The following DEDD2 variants were observed in gnomAD, a reference collection of about 807,000 sequenced individuals.
DEDD2 encodes death effector domain containing 2.
Under a neutral mutation model 28.9 loss-of-function variants are expected in DEDD2, and 18 were observed. That is an observed-to-expected ratio of 0.62 (90% CI 0.43 to 0.92). The LOEUF is 0.92. Ranked by LOEUF, DEDD2 falls within the 40% of genes least tolerant of loss-of-function variation. The pLI, the probability that DEDD2 is intolerant of heterozygous loss-of-function variation, is 0.00. For missense variants in DEDD2, 411 were observed against 463.3 expected, an observed-to-expected ratio of 0.89 and a Z score of 1.04; for synonymous variants, 211 against 206.1, an observed-to-expected ratio of 1.02 and a Z score of -0.20.
intron 3 of DEDD2, among the ~76,000 whole-genome samples, chr19:42,210,536 G>A (rs2035715774): frequency 6.6e-6 from 1 of 151,966 alleles, no homozygotes; most frequent in Non-Finnish European, 1.5e-5. Context: ...CGGGATTACA[G>A]GTGTCTGCCA....
In DEDD2 at chr19:42,209,835, G is replaced by C; in HGVS notation, c.454C>G (p.Pro152Ala). 1 of 1,524,142 alleles carries C rather than the reference G, an allele frequency of 6.6e-7. No homozygotes were observed. The highest frequency in any genetic ancestry group is 8.8e-7 in the Non-Finnish European group (1 of 1,137,454). The allele number at this position is 1,524,142 out of a possible 1,614,324, so 94.4% of individuals were successfully genotyped here. A position where few individuals can be genotyped will look rare whatever the true frequency, so the allele number is the denominator to read the frequency against. Residue 152 changes from proline (P) to alanine (A), a missense_variant, in exon 4 of 5, where the codon CCC (proline) becomes GCC (alanine). Transcript: ENST00000596251. Reference protein sequence around the residue: ...SQQGQWETGSPPTKRQRRSRG... With the variant: ...SQQGQWETGSAPTKRQRRSRG... ...CTCCGCCGCTGCCGCTTGGTTGGGG[G>C]GGAGCCTGAGGGGAAAAAAATGGGG...
intron 4 of DEDD2, among the ~76,000 whole-genome samples, chr19:42,203,509 G>C (rs1347099338): frequency 6.6e-6 from 1 of 152,194 alleles, no homozygotes; most frequent in Non-Finnish European, 1.5e-5. Flanking sequence ...GGCGCTAAGG[G>C]AGAACGGGCA....
rs1172779497 is a variant in DEDD2 at position 42,199,225 on chromosome 19, TAGG to T, written c.*210_*212del. ...GAGGCTAAGGGGGCACACCTGGGGG[TAGG>T]AGGAGTCTGGGAAGGAAACTCAGCT... On this transcript the variant is annotated 3_prime_UTR_variant, in exon 5 of 5. Coordinates refer to ENST00000596251, the MANE Select transcript of DEDD2 (RefSeq NM_133328.4). The surrounding 1 kb of genome is among the most constrained non-coding windows in gnomAD (Gnocchi z 7.4). The T allele has an allele frequency of 4.2e-6, 3 of 709,498 alleles. No individual in the cohort carries two copies. The highest frequency in any genetic ancestry group is 6.7e-6 in the Non-Finnish European group (3 of 450,860). 44.0% of individuals were successfully genotyped at this position (709,498 alleles called of 1,614,324 possible). A position where few individuals can be genotyped will look rare whatever the true frequency, so the allele number is the denominator to read the frequency against.
chr19:42,200,959 C>G lies in DEDD2; in HGVS notation c.590-1130G>C, dbSNP rs552726422. ...ATCACTTAGGCTAGTGACAGTACCC[C>G]CTCTCTCTACACACCCAACGAGGCT... On this transcript the variant is annotated intron_variant, in intron 4 of 4. Transcript: ENST00000596251. 2.6e-5 allele frequency among the ~76,000 whole-genome samples: 4 copies of G among 152,144 alleles called. No homozygotes were observed. The East Asian group carries it at 7.7e-4, about 29-fold the overall frequency.
upstream of DEDD2, among the ~76,000 whole-genome samples, chr19:42,219,043 G>A (rs373124236): frequency 7.9e-5 from 12 of 152,252 alleles, no homozygotes; most frequent in African/African-American, 2.9e-4. Context: ...GGTGGCTCAC[G>A]CCTGCATTCC....
chr19:42,199,457 C>G lies in DEDD2; in HGVS notation c.962G>C (p.Arg321Pro). The G allele has an allele frequency of 6.2e-7, 1 of 1,603,214 alleles. No individual in the cohort carries two copies. The highest frequency in any genetic ancestry group is 1.7e-5 in the Admixed American group (1 of 58,922). ...LLLMEEEGGR[R>P]PTEAS is the part of the protein sequence containing the mutation. ...CCTGGATCAGGAGGCCTCTGTCGGG[C>G]GCCGCCCCCCTTCCTCCTCCATCAG... The change falls in exon 5 of 5, where the codon CGC becomes CCC. Residue 321 changes from arginine to proline, a missense_variant. This residue lies in a region of DEDD2 where 129 missense variants were observed against 189.9 expected (regional missense o/e 0.68). Transcript: ENST00000596251. This position sits in a 1 kb window ranked among gnomAD's most constrained non-coding sequence, Gnocchi z 7.4.
intron 4 of DEDD2, among the ~76,000 whole-genome samples, chr19:42,204,252 A>T (rs1405598423): frequency 6.6e-6 from 1 of 152,110 alleles, no homozygotes; most frequent in Non-Finnish European, 1.5e-5. Context: ...AAGAGTTCCT[A>T]GTTGGGTGGT....
At position 42,199,294 on chromosome 19, in the gene DEDD2, G is replaced by C. The variant is rs2035226202; in HGVS notation, c.*144C>G. On this transcript the variant is annotated 3_prime_UTR_variant, in exon 5 of 5. Coordinates refer to ENST00000596251, the MANE Select transcript of DEDD2 (RefSeq NM_133328.4). The surrounding 1 kb of genome is among the most constrained non-coding windows in gnomAD (Gnocchi z 7.4). Reference sequence around the variant, plus strand: ...CTCAGAGCCCACATCCTGTGGGAGGGGCTGTCAAGGGGCCTGCTGTCCCGG... The same window carrying C: ...CTCAGAGCCCACATCCTGTGGGAGGCGCTGTCAAGGGGCCTGCTGTCCCGG... The C allele has an allele frequency of 8.2e-7, 1 of 1,216,274 alleles. No homozygotes were observed. The highest frequency in any genetic ancestry group is 1.1e-6 in the Non-Finnish European group (1 of 901,894). The allele number at this position is 1,216,274 out of a possible 1,614,324, so 75.3% of individuals were successfully genotyped here.
In DEDD2 at chr19:42,206,165, A is replaced by T. The variant is rs139730424; in HGVS notation, c.589+3535T>A. On this transcript the variant is annotated intron_variant, in intron 4 of 4. Transcript: ENST00000596251. ...ATCCTCCAACTGCTTTCCATAATAAAAAAAAAAAAAATGCAAAGCCCAGGC... is the reference window on the plus strand; with the variant it reads ...ATCCTCCAACTGCTTTCCATAATAATAAAAAAAAAAATGCAAAGCCCAGGC... 2.0e-4 allele frequency among the ~76,000 whole-genome samples: 30 copies of T among 151,096 alleles called. No homozygotes were observed. The East Asian group carries it at 3.3e-3, about 17-fold the overall frequency.
At chr19:42,208,907 G>A (rs564408960) in intron 4 of DEDD2, among the ~76,000 whole-genome samples, 1 of 152,362 alleles carries the variant, frequency 6.6e-6, no homozygotes, top group African/African-American at 2.4e-5. Context: ...AATCCAAACA[G>A]GGAGGTGATT....
chr19:42,210,978 G>A (rs146401378), intron 3 of DEDD2, among the ~76,000 whole-genome samples: 51 of 150,726 alleles, frequency 3.4e-4, no homozygotes, highest in African/African-American at 1.2e-3. Context: ...GCTGAGGCAG[G>A]AGAATTGCTT....
chr19:42,199,149 T>C lies in DEDD2; in HGVS notation c.*289A>G. On this transcript the variant is annotated 3_prime_UTR_variant, in exon 5 of 5. Coordinates refer to ENST00000596251, the MANE Select transcript of DEDD2 (RefSeq NM_133328.4). This position sits in a 1 kb window ranked among gnomAD's most constrained non-coding sequence, Gnocchi z 7.4. ...AATGTGCAGGGGGGCCTTTGGTGAG[T>C]GTGTAGCTGTGCCCCTCCCTTCTGA... 1 of 473,410 alleles carries C rather than the reference T, an allele frequency of 2.1e-6. No individual in the cohort carries two copies. The highest frequency in any genetic ancestry group is 3.8e-6 in the Non-Finnish European group (1 of 263,556). The allele number at this position is 473,410 out of a possible 1,614,324, so 29.3% of individuals were successfully genotyped here. A position where few individuals can be genotyped will look rare whatever the true frequency, so the allele number is the denominator to read the frequency against.
At chr19:42,214,624 A>G (rs575228631) in intron 3 of DEDD2, among the ~76,000 whole-genome samples, 38 of 152,218 alleles carry the variant, frequency 2.5e-4, no homozygotes, top group African/African-American at 8.4e-4. Context: ...TTAGCCAGGC[A>G]TGGTGGCATA....
At chr19:42,201,069 A>T (rs1299408610) in intron 4 of DEDD2, among the ~76,000 whole-genome samples, 1 of 152,236 alleles carries the variant, frequency 6.6e-6, no homozygotes, top group Non-Finnish European at 1.5e-5. Context: ...AAGTGCTTGA[A>T]TCACAGAAAC....
chr19:42,215,807 C>T (rs2035944131), intron 2 of DEDD2, among the ~76,000 whole-genome samples: 1 of 152,164 alleles, frequency 6.6e-6, no homozygotes, highest in African/African-American at 2.4e-5. Context: ...GCAGCCTGAA[C>T]CCCTCCCAGC....
At position 42,199,372 on chromosome 19, in the gene DEDD2, T is replaced by C. The variant is rs2035229107; in HGVS notation, c.*66A>G. 10 of 1,474,048 alleles carry C rather than the reference T, an allele frequency of 6.8e-6. No individual in the cohort carries two copies. Among genetic ancestry groups the C allele is most frequent in the Non-Finnish European group, 8.9e-6 (10 of 1,118,618 alleles). 91.3% of individuals were successfully genotyped at this position (1,474,048 alleles called of 1,614,324 possible). On this transcript the variant is annotated 3_prime_UTR_variant, in exon 5 of 5. Coordinates refer to ENST00000596251, the MANE Select transcript of DEDD2 (RefSeq NM_133328.4). This position sits in a 1 kb window ranked among gnomAD's most constrained non-coding sequence, Gnocchi z 7.4. ...AGTGACAGTCCTCTAGGGGTAGAGA[T>C]GGTCGTCCTCCCAGGAGAAGGTGGC...
Position 42,199,499 on chromosome 19 carries a change from C to T in DEDD2, c.920G>A (p.Gly307Asp). Residue 307 changes from glycine to aspartate, a missense_variant, in exon 5 of 5, where the codon GGC (glycine) becomes GAC (aspartate). Coordinates refer to ENST00000596251, the MANE Select transcript of DEDD2 (RefSeq NM_133328.4). This position sits in a 1 kb window ranked among gnomAD's most constrained non-coding sequence, Gnocchi z 7.4. The part of the protein sequence containing the change: ...VSVDEADYEA[G>D]RRRLLLMEEE... ...CTCCATCAGCAACAGGCGGCGCCGG[C>T]CAGCCTCATAGTCAGCCTCATCCAC... is the stretch of plus-strand genomic sequence containing the variant. 1 of 1,613,398 alleles carries T rather than the reference C, an allele frequency of 6.2e-7. No homozygotes were observed.
At chr19:42,204,208 G>T (rs1171415491) in intron 4 of DEDD2, among the ~76,000 whole-genome samples, 1 of 152,148 alleles carries the variant, frequency 6.6e-6, no homozygotes, top group Non-Finnish European at 1.5e-5. Flanking sequence ...GTGTCTGGGA[G>T]CCCAGAGATG....
intron 4 of DEDD2, among the ~76,000 whole-genome samples, chr19:42,201,450 G>A (rs1185904739): frequency 1.3e-5 from 2 of 152,242 alleles, no homozygotes; most frequent in Non-Finnish European, 2.9e-5. Context: ...GGTGCTCCCA[G>A]AATGGCAGCC....
Sources: gnomAD v4.1 joint callset for allele counts (sites outside exome capture counted in the v4.1 genomes callset) on GRCh38, gnomAD v4.1.1 for gene constraint, gnomAD v4.1.1 regional missense constraint, Gnocchi (gnomAD v3.1) non-coding constraint, MANE v1.5 for transcripts, NCBI Gene and HGNC (gene_info 2026-07-23, HGNC 2026-07-21) for gene names.